The following KCND2 variants were observed in gnomAD, a reference collection of about 807,000 sequenced individuals.
The protein encoded by KCND2 is potassium voltage-gated channel subfamily D member 2.
KCND2 carries 16 observed loss-of-function variants against 54.4 expected under a neutral mutation model. The observed-to-expected ratio is 0.29, with a 90% CI of 0.20 to 0.45. The LOEUF is 0.45. Ranked by LOEUF, KCND2 falls within the 20% of genes least tolerant of loss-of-function variation. KCND2 has a pLI of 1.00. For synonymous variants in KCND2, 317 were observed against 310.7 expected (o/e 1.02, Z -0.21); for missense variants, 486 against 824.2 (o/e 0.59, Z 5.02).
At chr7:120,648,243 T>A (rs1409082300) in intron 1 of KCND2, among the ~76,000 whole-genome samples, 1 of 151,766 alleles carries the variant, frequency 6.6e-6, no homozygotes, top group African/African-American at 2.4e-5. Flanking sequence ...GGAAAGGTAA[T>A]GATAATCACA....
At chr7:120,366,354 G>A (rs539656100) in intron 1 of KCND2, among the ~76,000 whole-genome samples, 49 of 151,910 alleles carry the variant, frequency 3.2e-4, no homozygotes, top group Admixed American at 5.9e-4. Flanking sequence ...ACGTGGTGGC[G>A]CATGCCTGTA....
intron 1 of KCND2, among the ~76,000 whole-genome samples, chr7:120,620,917 T>G (rs752138788): frequency 5.3e-5 from 8 of 152,052 alleles, no homozygotes; most frequent in Non-Finnish European, 8.8e-5. Flanking sequence ...TAAAATAAAA[T>G]TTCTAACAAT....
intron 1 of KCND2, among the ~76,000 whole-genome samples, chr7:120,313,794 T>A (rs1202466132): frequency 1.5e-5 from 2 of 137,602 alleles, no homozygotes; most frequent in Non-Finnish European, 3.1e-5. Context: ...TTTGGAAACA[T>A]GCAATATTTT....
At chr7:120,276,529 A>G (rs1226477842) in intron 1 of KCND2, among the ~76,000 whole-genome samples, 2 of 152,176 alleles carry the variant, frequency 1.3e-5, no homozygotes, top group African/African-American at 4.8e-5. Context: ...CATAGAAGAT[A>G]GAGCAGTATC....
chr7:120,403,658 T>A (rs1435425395), intron 1 of KCND2, among the ~76,000 whole-genome samples: 1 of 151,842 alleles, frequency 6.6e-6, no homozygotes, highest in Non-Finnish European at 1.5e-5. Flanking sequence ...AGACTTATAA[T>A]TGAAAACAAT....
intron 1 of KCND2, among the ~76,000 whole-genome samples, chr7:120,602,474 A>T (rs1479260297): frequency 6.6e-6 from 1 of 152,192 alleles, no homozygotes; most frequent in African/African-American, 2.4e-5. Flanking sequence ...CAACGTCAGC[A>T]TTGGGAAACC....
At chr7:120,503,694 G>C (rs1392276110) in intron 1 of KCND2, among the ~76,000 whole-genome samples, 1 of 151,782 alleles carries the variant, frequency 6.6e-6, no homozygotes, top group Non-Finnish European at 1.5e-5. Flanking sequence ...GTTCCGTCTC[G>C]ATCCCAGAGC....
chr7:120,400,485 G>A (rs1563033944), intron 1 of KCND2, among the ~76,000 whole-genome samples: 1 of 152,084 alleles, frequency 6.6e-6, no homozygotes, highest in Non-Finnish European at 1.5e-5. Flanking sequence ...CCCACTGGAA[G>A]GTAATACACT....
At chr7:120,432,343 C>G (rs1411986049) in intron 1 of KCND2, among the ~76,000 whole-genome samples, 2 of 152,286 alleles carry the variant, frequency 1.3e-5, no homozygotes, top group South Asian at 4.1e-4. Flanking sequence ...TGCTTCTTGA[C>G]ACAGACACTT....
chr7:120,613,084 ATTT>A (rs68066248), intron 1 of KCND2, among the ~76,000 whole-genome samples: 167 of 144,728 alleles, frequency 1.2e-3, no homozygotes, highest in African/African-American at 3.5e-3. Flanking sequence ...GTTTAGCCTA[ATTT>A]TTTTTTTTTT....
chr7:120,638,513 C>G (rs538047533), intron 1 of KCND2, among the ~76,000 whole-genome samples: 1 of 152,252 alleles, frequency 6.6e-6, no homozygotes, highest in East Asian at 1.9e-4. Context: ...CAGATATTTG[C>G]TTTACCAACT....
At chr7:120,616,851 C>G (rs1793031722) in intron 1 of KCND2, among the ~76,000 whole-genome samples, 1 of 152,158 alleles carries the variant, frequency 6.6e-6, no homozygotes, top group Non-Finnish European at 1.5e-5. Context: ...TTAGCCCTTT[C>G]TGTTCTTAGT....
intron 1 of KCND2, among the ~76,000 whole-genome samples, chr7:120,283,218 CAA>C (rs1028375956): frequency 6.6e-6 from 1 of 151,990 alleles, no homozygotes; most frequent in African/African-American, 2.4e-5. Context: ...GTAATAGAAG[CAA>C]AGAGAGTAAG....
At chr7:120,727,780 G>A (rs986003836) in intron 1 of KCND2, among the ~76,000 whole-genome samples, 2 of 152,096 alleles carry the variant, frequency 1.3e-5, no homozygotes, top group Non-Finnish European at 2.9e-5. Flanking sequence ...GGAAACTGGT[G>A]GCTCTACTGA....
chr7:120,312,195 C>T (rs1218316099), intron 1 of KCND2, among the ~76,000 whole-genome samples: 1 of 152,144 alleles, frequency 6.6e-6, no homozygotes, highest in Non-Finnish European at 1.5e-5. Flanking sequence ...GCATGAGCCA[C>T]TGTGCCTGGC....
intron 1 of KCND2, among the ~76,000 whole-genome samples, chr7:120,632,869 C>T (rs570700447): frequency 1.8e-4 from 27 of 152,158 alleles, no homozygotes; most frequent in African/African-American, 6.3e-4. Context: ...CCAACATCTA[C>T]CTCATTGGTG....
rs188130529 is a variant in KCND2 at position 120,291,242 on chromosome 7, T to C, written c.1115+15495T>C. On this transcript the variant is annotated intron_variant, in intron 1 of 5. Coordinates refer to ENST00000331113, the MANE Select transcript of KCND2 (RefSeq NM_012281.3). The stretch of plus-strand genomic sequence containing the variant: ...TGATTCATTTATGAAGATGGAAATA[T>C]AATTTTAGCAGGAAGATGGAACAGA... Among the ~76,000 whole-genome samples the C allele has an allele frequency of 2.0e-5, 3 of 152,030 alleles. No homozygotes were observed. In the East Asian group the frequency reaches 5.8e-4, roughly 29 times the overall value.
At chr7:120,310,471 C>T (rs1279331797) in intron 1 of KCND2, among the ~76,000 whole-genome samples, 1 of 151,878 alleles carries the variant, frequency 6.6e-6, no homozygotes, top group Non-Finnish European at 1.5e-5. Context: ...CTATAATTTG[C>T]AAAATACTTA....
intron 1 of KCND2, among the ~76,000 whole-genome samples, chr7:120,344,898 G>T (rs183160535): frequency 6.6e-6 from 1 of 152,130 alleles, no homozygotes; most frequent in Non-Finnish European, 1.5e-5. Flanking sequence ...TGAATAAGGA[G>T]CATCCTTACC....
Sources: gnomAD v4.1 joint callset for allele counts (sites outside exome capture counted in the v4.1 genomes callset) on GRCh38, gnomAD v4.1.1 for gene constraint, MANE v1.5 for transcripts, NCBI Gene and HGNC (gene_info 2026-07-23, HGNC 2026-07-21) for gene names.